Variants in ATOSA observed in about 807,000 individuals in gnomAD.
ATOSA encodes the protein atos homolog protein A.
chr15:52,705,032 C>G, the ATOSA span, among the ~76,000 whole-genome samples: 698 of 152,278 alleles, frequency 4.6e-3, 8 homozygotes, highest in South Asian at 0.021. Flanking sequence ...GTAAGTCATG[C>G]TACTTTAAAG....
the ATOSA span, among the ~76,000 whole-genome samples, chr15:52,635,354 C>G: frequency 2.0e-5 from 3 of 152,128 alleles, no homozygotes; most frequent in Non-Finnish European, 4.4e-5. Context: ...AAACATTTAC[C>G]ATGATAGATC....
chr15:52,642,079 G>A, the ATOSA span, among the ~76,000 whole-genome samples: 1 of 152,166 alleles, frequency 6.6e-6, no homozygotes, highest in Non-Finnish European at 1.5e-5. Context: ...TTTATTTTGT[G>A]TTATTATGAA....
chr15:52,609,806 G>C, the ATOSA span: 1 of 1,613,064 alleles, frequency 6.2e-7, no homozygotes, highest in Non-Finnish European at 8.5e-7. Context: ...ATTTCTTGCC[G>C]CTCCTGAATT....
the ATOSA span, chr15:52,608,999 T>C: frequency 5.0e-6 from 8 of 1,613,116 alleles, no homozygotes; most frequent in Non-Finnish European, 6.8e-6. Flanking sequence ...GAATACTGTT[T>C]ATCAATTCCA....
At chr15:52,657,366 C>G in the ATOSA span, 2 of 152,106 alleles carry the variant, frequency 1.3e-5, no homozygotes, top group Admixed American at 1.3e-4. Flanking sequence ...ATTAAGTCCC[C>G]AAAGCTTTAA....
chr15:52,600,296 T>C, the ATOSA span: 1 of 1,027,882 alleles, frequency 9.7e-7, no homozygotes, highest in Non-Finnish European at 1.5e-6. Flanking sequence ...TTTTTAATCT[T>C]GAGACAGGGT....
At chr15:52,609,870 G>A in the ATOSA span, 1 of 1,613,570 alleles carries the variant, frequency 6.2e-7, no homozygotes. Flanking sequence ...AACTCTGGCG[G>A]TTAGAGATAC....
the ATOSA span, among the ~76,000 whole-genome samples, chr15:52,701,838 A>G: frequency 2.0e-5 from 3 of 152,074 alleles, no homozygotes; most frequent in South Asian, 6.2e-4. Flanking sequence ...ATACAGAAAG[A>G]GCTTTGAAAA....
chr15:52,645,904 G>A, the ATOSA span, among the ~76,000 whole-genome samples: 121,556 of 152,158 alleles, frequency 0.8, 49,415 homozygotes, highest in Middle Eastern at 0.87. Context: ...AGATTTACCT[G>A]TACTCTCATA....
chr15:52,662,769 CAAAAA>C, the ATOSA span, among the ~76,000 whole-genome samples: 2 of 79,038 alleles, frequency 2.5e-5, no homozygotes, highest in Non-Finnish European at 5.8e-5. Flanking sequence ...GACTCCGTCT[CAAAAA>C]AAAAAAAAAA....
chr15:52,632,866 T>C, the ATOSA span, among the ~76,000 whole-genome samples: 1 of 152,202 alleles, frequency 6.6e-6, no homozygotes, highest in Non-Finnish European at 1.5e-5. Context: ...GAAATGGGAT[T>C]ATATATAACA....
At chr15:52,670,914 A>G in the ATOSA span, among the ~76,000 whole-genome samples, 2 of 152,238 alleles carry the variant, frequency 1.3e-5, no homozygotes, top group Non-Finnish European at 2.9e-5. Flanking sequence ...TTAATCCAAG[A>G]ATGGGTCCCA....
chr15:52,635,514 AAG>A, the ATOSA span, among the ~76,000 whole-genome samples: 1 of 151,840 alleles, frequency 6.6e-6, no homozygotes, highest in African/African-American at 2.4e-5. Context: ...ACAACAAAAT[AAG>A]ATCCCTGCCT....
At chr15:52,662,245 T>C in the ATOSA span, among the ~76,000 whole-genome samples, 1 of 152,262 alleles carries the variant, frequency 6.6e-6, no homozygotes, top group Non-Finnish European at 1.5e-5. Context: ...TTAACACAGC[T>C]AGGAAAGCTT....
At chr15:52,619,203 T>A in the ATOSA span, among the ~76,000 whole-genome samples, 62 of 152,296 alleles carry the variant, frequency 4.1e-4, no homozygotes, top group African/African-American at 1.4e-3. Context: ...GAATACTAAA[T>A]CATAGTAGTC....
chr15:52,617,808 C>T, the ATOSA span, among the ~76,000 whole-genome samples: 7 of 147,748 alleles, frequency 4.7e-5, no homozygotes, highest in African/African-American at 1.5e-4. Context: ...TAATTTATTA[C>T]TAATTTATAT....
chr15:52,610,298 T>C, the ATOSA span: 1 of 1,613,992 alleles, frequency 6.2e-7, no homozygotes, highest in South Asian at 1.1e-5. Context: ...AAGGCAACAT[T>C]GTGAGAAACA....
At chr15:52,637,068 A>G in the ATOSA span, among the ~76,000 whole-genome samples, 1 of 152,212 alleles carries the variant, frequency 6.6e-6, no homozygotes, top group Non-Finnish European at 1.5e-5. Flanking sequence ...CTTAAGAGGA[A>G]GAATAAATTT....
chr15:52,584,313 T>C, the ATOSA span, among the ~76,000 whole-genome samples: 2,266 of 151,892 alleles, frequency 0.015, 58 homozygotes, highest in African/African-American at 0.053. Flanking sequence ...AGGTAATTTT[T>C]GTATTTTTAG....
Sources: allele counts gnomAD v4.1 joint callset (sites outside exome capture counted in the v4.1 genomes callset), GRCh38; gene constraint gnomAD v4.1.1; transcripts MANE v1.5; gene names NCBI Gene and HGNC (gene_info 2026-07-23, HGNC 2026-07-21).